Variants in DLG2 observed in about 807,000 individuals in gnomAD.
DLG2 encodes the protein discs large MAGUK scaffold protein 2, also known as disks large homolog 2.
A neutral mutation model predicts 132.5 loss-of-function variants in DLG2; 45 were observed. That is an observed-to-expected ratio of 0.34 (90% confidence interval 0.27 to 0.44). The LOEUF (loss-of-function observed/expected upper bound fraction) is 0.44, where lower values mean the gene tolerates loss of function less well. Among genes scored for constraint, DLG2 ranks in the 20% least tolerant of loss-of-function variants. The pLI is 1.00. For missense variants in DLG2, 1,045 were observed against 1,196.9 expected (o/e 0.87, Z 1.87); for synonymous variants, 424 against 419.6 (o/e 1.01, Z -0.13).
intron 5 of DLG2, among the ~76,000 whole-genome samples, chr11:85,149,565 A>C (rs2077090417): frequency 6.6e-6 from 1 of 152,162 alleles, no homozygotes. Flanking sequence ...AATAGCATAA[A>C]CTTCAATGTT....
Position 84,363,732 on chromosome 11 carries a change from T to C in DLG2, c.520-112441A>G, listed in dbSNP as rs1399743270. Among the ~76,000 whole-genome samples, 461 of 151,848 alleles carry C rather than the reference T, an allele frequency of 3.0e-3. 1 individual carries two copies. Among genetic ancestry groups the C allele is most frequent in the Non-Finnish European group, 5.0e-3 (338 of 67,924 alleles). On this transcript the variant is annotated intron_variant, in intron 7 of 27. Coordinates refer to ENST00000376104, the MANE Select transcript of DLG2 (RefSeq NM_001142699.3). ...CCAGTTTCAGCTTTCTACATATGGC[T>C]AGCCAGTTTTCCCAGCACCATTTAT...
At chr11:83,769,857 G>T (rs956318524) in intron 18 of DLG2, among the ~76,000 whole-genome samples, 10 of 152,034 alleles carry the variant, frequency 6.6e-5, no homozygotes, top group African/African-American at 2.2e-4. Flanking sequence ...GAGCCACTGT[G>T]CCCCGCCTAC....
intron 9 of DLG2, among the ~76,000 whole-genome samples, chr11:84,158,680 G>A (rs1174753991): frequency 6.6e-6 from 1 of 152,170 alleles, no homozygotes; most frequent in Non-Finnish European, 1.5e-5. Context: ...CATAGCAAAA[G>A]TATAAGCTGT....
At chr11:84,478,512 A>ATTT (rs897468672) in intron 7 of DLG2, among the ~76,000 whole-genome samples, 19 of 152,046 alleles carry the variant, frequency 1.2e-4, no homozygotes, top group Non-Finnish European at 2.5e-4. Context: ...GGTTGTTTAC[A>ATTT]TTTTTTCTAG....
intron 18 of DLG2, among the ~76,000 whole-genome samples, chr11:83,718,848 C>A (rs2153679819): frequency 6.6e-6 from 1 of 152,252 alleles, no homozygotes; most frequent in African/African-American, 2.4e-5. Context: ...ACCGTAGGGC[C>A]AGCTTGCATC....
chr11:85,427,280 A>G (rs1244366432), intron 3 of DLG2, among the ~76,000 whole-genome samples: 1 of 152,212 alleles, frequency 6.6e-6, no homozygotes. Context: ...AGAGAAAGCC[A>G]CAAAGATACT....
intron 3 of DLG2, among the ~76,000 whole-genome samples, chr11:85,291,395 C>T (rs2078879700): frequency 1.3e-5 from 2 of 152,004 alleles, no homozygotes; most frequent in African/African-American, 4.8e-5. Context: ...TCTTCCCATC[C>T]CAGCCTTCAT....
intron 6 of DLG2, among the ~76,000 whole-genome samples, chr11:84,610,814 A>G (rs1444680455): frequency 2.6e-5 from 4 of 152,128 alleles, no homozygotes; most frequent in African/African-American, 9.7e-5. Context: ...CATCCCAGTC[A>G]TACATAGCCA....
Position 84,626,775 on chromosome 11 carries a change from T to G in DLG2, c.358-92044A>C, listed in dbSNP as rs140961294. Among the ~76,000 whole-genome samples the G allele has an allele frequency of 1.1e-4, 17 of 152,306 alleles. 1 individual carries two copies. In the East Asian group the frequency reaches 3.1e-3, roughly 28 times the overall value. On this transcript the variant is annotated intron_variant, in intron 6 of 27. Coordinates refer to ENST00000376104, the MANE Select transcript of DLG2 (RefSeq NM_001142699.3). Reference sequence around the variant, plus strand: ...GCCCAAGGTTTTCTAAGCAGTGCTCTAGAAGCATTTTCTCCTCCACACCTG... The same window carrying G: ...GCCCAAGGTTTTCTAAGCAGTGCTCGAGAAGCATTTTCTCCTCCACACCTG...
intron 6 of DLG2, among the ~76,000 whole-genome samples, chr11:84,913,663 A>G (rs1256203353): frequency 6.6e-6 from 1 of 152,212 alleles, no homozygotes; most frequent in Non-Finnish European, 1.5e-5. Context: ...ATACATATAT[A>G]TAGGATAAAA....
At chr11:83,562,287 G>C (rs2096625148) in intron 19 of DLG2, among the ~76,000 whole-genome samples, 1 of 152,082 alleles carries the variant, frequency 6.6e-6, no homozygotes, top group South Asian at 2.1e-4. Context: ...TTAACTCTTA[G>C]AATCAACACA....
At chr11:85,531,344 CAG>C in intron 3 of DLG2, among the ~76,000 whole-genome samples, 1 of 152,184 alleles carries the variant, frequency 6.6e-6, no homozygotes, top group Non-Finnish European at 1.5e-5. Context: ...CCATGCCAAA[CAG>C]GGTGATTTAA....
chr11:85,073,185 C>T (rs1449839009), intron 6 of DLG2, among the ~76,000 whole-genome samples: 1 of 151,800 alleles, frequency 6.6e-6, no homozygotes, highest in East Asian at 1.9e-4. Flanking sequence ...TACAGACAGA[C>T]CCCTAAACCT....
intron 6 of DLG2, among the ~76,000 whole-genome samples, chr11:84,644,705 CAAAA>C (rs61451048): frequency 8.4e-6 from 1 of 119,386 alleles, no homozygotes; most frequent in African/African-American, 3.1e-5. Context: ...GACTCCATTT[CAAAA>C]AAAAAAAAAA....
chr11:84,450,302 T>C (rs1181721681), intron 7 of DLG2, among the ~76,000 whole-genome samples: 1 of 151,774 alleles, frequency 6.6e-6, no homozygotes, highest in Non-Finnish European at 1.5e-5. Flanking sequence ...GCAAGTTCTA[T>C]GAGTTCAGAG....
chr11:83,619,860 C>T (rs2061369652), intron 19 of DLG2, among the ~76,000 whole-genome samples: 1 of 142,400 alleles, frequency 7.0e-6, no homozygotes, highest in Non-Finnish European at 1.5e-5. Flanking sequence ...CTGATGATTG[C>T]CTAGGAACCC....
At chr11:84,387,804 G>T (rs1253254416) in intron 7 of DLG2, among the ~76,000 whole-genome samples, 2 of 152,142 alleles carry the variant, frequency 1.3e-5, no homozygotes, top group African/African-American at 2.4e-5. Flanking sequence ...TGGATTACCT[G>T]AAAGTAAATA....
At chr11:85,112,977 G>A (rs1594375488) in intron 5 of DLG2, among the ~76,000 whole-genome samples, 2 of 152,116 alleles carry the variant, frequency 1.3e-5, no homozygotes, top group Middle Eastern at 6.8e-3. Context: ...ATTTTTGCCT[G>A]TGATTTGTAA....
chr11:84,709,984 C>T (rs1376272999), intron 6 of DLG2, among the ~76,000 whole-genome samples: 1 of 151,920 alleles, frequency 6.6e-6, no homozygotes, highest in African/African-American at 2.4e-5. Flanking sequence ...TGGAGCAGGG[C>T]CTTCAACTTA....
Sources: allele counts gnomAD v4.1 joint callset (sites outside exome capture counted in the v4.1 genomes callset), GRCh38; gene constraint gnomAD v4.1.1; transcripts MANE v1.5; gene names NCBI Gene and HGNC (gene_info 2026-07-23, HGNC 2026-07-21).